MAGI3: variants seen among roughly 807,000 people sequenced by gnomAD.
The protein encoded by MAGI3 is membrane-associated guanylate kinase, WW and PDZ domain-containing protein 3.
In MAGI3, 43 loss-of-function variants were observed where a neutral mutation model predicts 121.8. That is an observed-to-expected ratio of 0.35 (90% CI 0.28 to 0.46). The LOEUF is 0.46. Ranked by LOEUF, MAGI3 falls within the 20% of genes least tolerant of loss-of-function variation. The pLI is 1.00. For missense variants in MAGI3, 1,547 were observed against 1,797.3 expected (o/e 0.86, Z 2.52); for synonymous variants, 553 against 639.3 (o/e 0.86, Z 2.04).
chr1:113,586,547 G>A (rs1184231856), intron 4 of MAGI3, among the ~76,000 whole-genome samples: 2 of 152,050 alleles, frequency 1.3e-5, no homozygotes, highest in African/African-American at 4.8e-5. Context: ...ATGTTAAATG[G>A]ATTACCCCAA....
At chr1:113,424,573 C>T (rs1296121061) in intron 1 of MAGI3, among the ~76,000 whole-genome samples, 1 of 151,982 alleles carries the variant, frequency 6.6e-6, no homozygotes, top group Non-Finnish European at 1.5e-5. Context: ...GATATATAAC[C>T]TTTTGGGAAT....
rs529599861 is a variant in MAGI3, at chr1:113,486,320, A to G, written c.317-63195A>G. Among the ~76,000 whole-genome samples, 3 of 152,226 alleles carry G rather than the reference A, an allele frequency of 2.0e-5. No homozygotes were observed. In the East Asian group the frequency reaches 5.8e-4, roughly 29 times the overall value. On this transcript the variant is annotated intron_variant, in intron 1 of 20. Transcript: ENST00000307546. ...TTGGCCGTATGGTCATTTTCACAATATTGATTCTACTCATCCATGAGCATG... is the reference window on the plus strand; with the variant it reads ...TTGGCCGTATGGTCATTTTCACAATGTTGATTCTACTCATCCATGAGCATG...
At chr1:113,680,986 A>T (rs1648181855) in intron 19 of MAGI3, among the ~76,000 whole-genome samples, 1 of 152,080 alleles carries the variant, frequency 6.6e-6, no homozygotes, top group South Asian at 2.1e-4. Context: ...CCTGTGTAGG[A>T]TTTTTGTGAG....
rs1466011449 is a variant in MAGI3 at position 113,390,542 on chromosome 1, G to A, written c.-492G>A. Among the ~76,000 whole-genome samples the A allele has an allele frequency of 6.6e-6, 1 of 152,170 alleles. No homozygotes were observed. The highest frequency in any genetic ancestry group is 2.4e-5 in the African/African-American group (1 of 41,460). ...TTTCCTGGCAGCTTGGGCAGGCGTT[G>A]GTCTCCGCGCTACAGCTCCGCAGCG... On this transcript the variant is annotated 5_prime_UTR_variant, in exon 1 of 21. Transcript: ENST00000307546.
intron 1 of MAGI3, among the ~76,000 whole-genome samples, chr1:113,397,004 A>G (rs1254593476): frequency 6.6e-6 from 1 of 152,194 alleles, no homozygotes; most frequent in East Asian, 1.9e-4. Flanking sequence ...TCAAGTCATC[A>G]CAAAAAGAGG....
At chr1:113,470,148 C>T (rs1258820450) in intron 1 of MAGI3, among the ~76,000 whole-genome samples, 3 of 152,040 alleles carry the variant, frequency 2.0e-5, no homozygotes, top group African/African-American at 7.2e-5. Flanking sequence ...TAGGCATTAT[C>T]ATGTTGCATG....
intron 13 of MAGI3, 74 bp downstream of exon 13, chr1:113,649,402 G>T (rs1653033139): frequency 9.8e-7 from 1 of 1,020,712 alleles, no homozygotes; most frequent in Admixed American, 2.6e-5. Context: ...GGATTATGGT[G>T]TGTTTTAAGT....
At chr1:113,478,667 A>T (rs1187886777) in intron 1 of MAGI3, among the ~76,000 whole-genome samples, 2 of 152,254 alleles carry the variant, frequency 1.3e-5, no homozygotes, top group African/African-American at 2.4e-5. Flanking sequence ...GTCGGCCCCT[A>T]CTGGGAGGTG....
chr1:113,399,085 T>C (rs1199150152), intron 1 of MAGI3, among the ~76,000 whole-genome samples: 1 of 151,880 alleles, frequency 6.6e-6, no homozygotes, highest in Non-Finnish European at 1.5e-5. Flanking sequence ...ATTAGAATTA[T>C]TATTTGGTTC....
chr1:113,618,669 CT>C, intron 7 of MAGI3: 1 of 309,478 alleles, frequency 3.2e-6, no homozygotes, highest in Non-Finnish European at 6.2e-6. Context: ...CCACGCCCAG[CT>C]TATTTTTGTA....
intron 19 of MAGI3, among the ~76,000 whole-genome samples, chr1:113,680,773 C>CA (rs1648173133): frequency 6.6e-6 from 1 of 151,824 alleles, no homozygotes; most frequent in Non-Finnish European, 1.5e-5. Flanking sequence ...CAAAACAAAA[C>CA]AAACAAACAA....
intron 1 of MAGI3, among the ~76,000 whole-genome samples, chr1:113,492,683 C>G (rs1445954610): frequency 6.6e-6 from 1 of 152,068 alleles, no homozygotes; most frequent in African/African-American, 2.4e-5. Flanking sequence ...CCAGCTGATA[C>G]ACAAATTCAG....
chr1:113,447,461 C>A (rs898865610), intron 1 of MAGI3, among the ~76,000 whole-genome samples: 2 of 152,198 alleles, frequency 1.3e-5, no homozygotes, highest in African/African-American at 4.8e-5. Context: ...AAAGGTATCA[C>A]CTCTTAATAC....
At chr1:113,436,234 T>C (rs1442165188) in intron 1 of MAGI3, among the ~76,000 whole-genome samples, 10 of 152,138 alleles carry the variant, frequency 6.6e-5, no homozygotes, top group African/African-American at 2.4e-4. Context: ...TAATCTCTCT[T>C]TACAATTCCA....
intron 3 of MAGI3, among the ~76,000 whole-genome samples, chr1:113,582,310 A>G (rs958720034): frequency 2.6e-5 from 4 of 152,086 alleles, no homozygotes; most frequent in African/African-American, 9.7e-5. Context: ...ACTGTTGCCC[A>G]TATGCATATG....
At chr1:113,679,457 T>C (rs1648082668) in intron 19 of MAGI3, among the ~76,000 whole-genome samples, 1 of 152,196 alleles carries the variant, frequency 6.6e-6, no homozygotes, top group Admixed American at 6.5e-5. Flanking sequence ...TATGGCTGCA[T>C]AGTATTCTAT....
intron 9 of MAGI3, among the ~76,000 whole-genome samples, chr1:113,627,012 C>T (rs1351459306): frequency 2.0e-5 from 3 of 151,890 alleles, no homozygotes; most frequent in Non-Finnish European, 2.9e-5. Flanking sequence ...CTTCAAGATG[C>T]ATCATGAGGT....
chr1:113,678,628 T>G (rs985240932), intron 19 of MAGI3, among the ~76,000 whole-genome samples: 1 of 152,212 alleles, frequency 6.6e-6, no homozygotes, highest in Non-Finnish European at 1.5e-5. Flanking sequence ...AGTTAAATCT[T>G]CGTAATGATA....
chr1:113,552,230 G>A (rs1433697168), intron 2 of MAGI3, among the ~76,000 whole-genome samples: 1 of 152,038 alleles, frequency 6.6e-6, no homozygotes, highest in Non-Finnish European at 1.5e-5. Context: ...AATTGTAGTT[G>A]TCTAAAGCTT....
Sources: gnomAD v4.1 joint callset for allele counts (sites outside exome capture counted in the v4.1 genomes callset) on GRCh38, gnomAD v4.1.1 for gene constraint, MANE v1.5 for transcripts, NCBI Gene and HGNC (gene_info 2026-07-23, HGNC 2026-07-21) for gene names.